Variants in COL11A1 observed in about 807,000 individuals in gnomAD.
The protein encoded by COL11A1 is collagen type XI alpha 1 chain.
Under a neutral mutation model 265.2 loss-of-function variants are expected in COL11A1, and 74 were observed. That is an observed-to-expected ratio of 0.28 (90% CI 0.23 to 0.34). COL11A1 has a LOEUF of 0.34. COL11A1 is among the 10% of genes least tolerant of loss of function. The pLI, the probability that COL11A1 is intolerant of heterozygous loss-of-function variation, is 1.00. For missense variants in COL11A1, 2,165 were observed against 2,263.6 expected (o/e 0.96, Z 0.88); for synonymous variants, 816 against 727.6 (o/e 1.12, Z -1.96).
chr1:103,103,092 C>A (rs755810663), intron 1 of COL11A1, among the ~76,000 whole-genome samples: 2 of 151,982 alleles, frequency 1.3e-5, no homozygotes, highest in Non-Finnish European at 2.9e-5. Context: ...GATACTTTGA[C>A]AATCCAAAAT....
At chr1:103,090,171 C>T (rs1040590063) in intron 1 of COL11A1, among the ~76,000 whole-genome samples, 5 of 151,528 alleles carry the variant, frequency 3.3e-5, no homozygotes, top group African/African-American at 9.7e-5. Context: ...AAATAAGTAA[C>T]AATAATAAAG....
chr1:102,980,219 AAAT>A (rs1662910340), intron 31 of COL11A1, among the ~76,000 whole-genome samples: 2 of 152,034 alleles, frequency 1.3e-5, no homozygotes, highest in South Asian at 4.1e-4. Context: ...CTTGGTATAA[AAAT>A]AATAATAATG....
At chr1:102,906,361 T>C (rs2100981434) in intron 54 of COL11A1, among the ~76,000 whole-genome samples, 1 of 152,306 alleles carries the variant, frequency 6.6e-6, no homozygotes, top group South Asian at 2.1e-4. Flanking sequence ...TGTCAGTTTA[T>C]AGGTTGCAAA....
chr1:102,934,530 T>A lies in COL11A1; in HGVS notation c.3519A>T (p.Arg1173Ser), dbSNP rs779474747. 6 of 1,614,124 alleles carry A rather than the reference T, an allele frequency of 3.7e-6. No individual in the cohort carries two copies. The highest frequency in any genetic ancestry group is 5.1e-6 in the Non-Finnish European group (6 of 1,179,992). The change falls in exon 46 of 67, where the codon AGA becomes AGT. Residue 1173 changes from arginine to serine, a missense_variant. Coordinates refer to ENST00000370096, the MANE Select transcript of COL11A1 (RefSeq NM_001854.4). ...IAGGDGEPGP[R>S]GQQGMFGQKG... is the part of the protein sequence containing the mutation. Reference sequence around the variant, plus strand: ...TTTGCCCAAACATCCCCTGCTGTCCTCTAGGACCTGGTTCACCATCACCTC... The same window carrying A: ...TTTGCCCAAACATCCCCTGCTGTCCACTAGGACCTGGTTCACCATCACCTC...
chr1:102,897,431 A>C (rs1035629648), intron 57 of COL11A1, among the ~76,000 whole-genome samples: 6 of 149,214 alleles, frequency 4.0e-5, no homozygotes, highest in Non-Finnish European at 8.9e-5. Flanking sequence ...AATCTCTACC[A>C]TAAGAAAAAA....
At chr1:103,078,581 C>T in intron 3 of COL11A1, 77 bp downstream of exon 3, 1 of 1,388,440 alleles carries the variant, frequency 7.2e-7, no homozygotes, top group Non-Finnish European at 1.0e-6. Context: ...TATCACACTT[C>T]ATAAATATTT....
At chr1:103,055,645 C>G (rs1487060456) in intron 4 of COL11A1, among the ~76,000 whole-genome samples, 2 of 152,108 alleles carry the variant, frequency 1.3e-5, no homozygotes, top group Non-Finnish European at 2.9e-5. Flanking sequence ...TTAAGCTTGT[C>G]CAACCCATGA....
At chr1:103,067,549 A>G (rs931716654) in intron 4 of COL11A1, among the ~76,000 whole-genome samples, 1 of 151,772 alleles carries the variant, frequency 6.6e-6, no homozygotes, top group Non-Finnish European at 1.5e-5. Flanking sequence ...CGAAGTAATA[A>G]CCCTATACTT....
At chr1:102,954,655 G>A (rs938652404) in intron 41 of COL11A1, among the ~76,000 whole-genome samples, 28 of 152,118 alleles carry the variant, frequency 1.8e-4, no homozygotes, top group African/African-American at 5.6e-4. Context: ...GACCAGCCTG[G>A]CCAATATAGT....
At position 102,991,528 on chromosome 1, in the gene COL11A1, T is replaced by C. The variant is rs189265243; in HGVS notation, c.2341-1957A>G. Among the ~76,000 whole-genome samples, 234 of 152,254 alleles carry C rather than the reference T, an allele frequency of 1.5e-3. 1 individual carries two copies. Among genetic ancestry groups the C allele is most frequent in the Middle Eastern group, 0.01 (3 of 294 alleles). On this transcript the variant is annotated intron_variant, in intron 28 of 66. Coordinates refer to ENST00000370096, the MANE Select transcript of COL11A1 (RefSeq NM_001854.4). The stretch of plus-strand genomic sequence containing the variant: ...TCTCCATCTTGTGGCCTTCACTGAA[T>C]AATTATTATTGCAACAATATGCCGT...
chr1:102,894,656 C>T (rs1652184477), intron 57 of COL11A1, among the ~76,000 whole-genome samples: 2 of 151,954 alleles, frequency 1.3e-5, no homozygotes, highest in Admixed American at 6.6e-5. Context: ...TTAAGAAACC[C>T]TAATAAAATT....
chr1:103,083,063 A>G (rs1672542623), intron 1 of COL11A1, 91 bp from the exon 2 acceptor site: 2 of 1,251,270 alleles, frequency 1.6e-6, no homozygotes, highest in Non-Finnish European at 2.3e-6. Context: ...ATGTCATTTC[A>G]TACCTTGAAT....
intron 50 of COL11A1, among the ~76,000 whole-genome samples, 155 bp from the exon 51 acceptor site, chr1:102,914,966 AC>A (rs1655146540): frequency 6.6e-6 from 1 of 152,072 alleles, no homozygotes; most frequent in African/African-American, 2.4e-5. Context: ...GTGTAGTGGC[AC>A]AATCTCAGCT....
At chr1:102,940,983 T>C (rs1250412948) in intron 42 of COL11A1, among the ~76,000 whole-genome samples, 1 of 152,184 alleles carries the variant, frequency 6.6e-6, no homozygotes, top group African/African-American at 2.4e-5. Context: ...TGAACTCAAC[T>C]TCTGTTTCCG....
In COL11A1 at chr1:103,012,466, C is replaced by T. The variant is rs1391110750; in HGVS notation, c.1576G>A (p.Ala526Thr). 6.2e-7 allele frequency: 1 copy of T among 1,612,160 alleles called. No individual in the cohort carries two copies. Among genetic ancestry groups the T allele is most frequent in the Admixed American group, 1.7e-5 (1 of 59,962 alleles). The change falls in exon 14 of 67, where the codon GCT (alanine) becomes ACT (threonine). Residue 526 changes from alanine to threonine, a missense_variant. Transcript: ENST00000370096. The stretch of plus-strand genomic sequence containing the variant: ...ATTGGGCCAGGTGGGCCTCTCAGAG[C>T]AATCTAGAAAACAAAATATATCAAA... ...AQAILQQARIALRGPPGPMGL... is the reference protein window; with the variant it reads ...AQAILQQARITLRGPPGPMGL...
intron 1 of COL11A1, among the ~76,000 whole-genome samples, chr1:103,085,378 A>G (rs1013735488): frequency 3.3e-5 from 5 of 152,150 alleles, no homozygotes; most frequent in Non-Finnish European, 7.4e-5. Context: ...GGGCACATAT[A>G]CCCACTCAAC....
intron 54 of COL11A1, among the ~76,000 whole-genome samples, chr1:102,901,694 T>C (rs1231039527): frequency 6.6e-6 from 1 of 152,182 alleles, no homozygotes; most frequent in Non-Finnish European, 1.5e-5. Flanking sequence ...AAATAGGGCC[T>C]AGTTAATTCT....
chr1:102,940,290 T>C (rs1462336291), intron 43 of COL11A1, 37 bp downstream of exon 43: 2 of 1,529,556 alleles, frequency 1.3e-6, no homozygotes, highest in Admixed American at 1.7e-5. Flanking sequence ...ATTAAGCTTT[T>C]TCACAGGATC....
intron 4 of COL11A1, among the ~76,000 whole-genome samples, chr1:103,055,755 T>A (rs532917076): frequency 6.6e-6 from 1 of 152,346 alleles, no homozygotes; most frequent in East Asian, 1.9e-4. Flanking sequence ...GTGTATTTTA[T>A]GTGTGCCCCA....
Sources: allele counts gnomAD v4.1 joint callset (sites outside exome capture counted in the v4.1 genomes callset), GRCh38; gene constraint gnomAD v4.1.1; transcripts MANE v1.5; gene names NCBI Gene and HGNC (gene_info 2026-07-23, HGNC 2026-07-21).